Variants in RNF149 observed in about 807,000 individuals in gnomAD.
RNF149 encodes the protein ring finger protein 149.
RNF149 carries 21 observed loss-of-function variants against 39.0 expected under a neutral mutation model. The ratio of observed to expected loss-of-function variants is 0.54; its 90% CI spans 0.38 to 0.77. The LOEUF (loss-of-function observed/expected upper bound fraction) is 0.77. Among genes scored for constraint, RNF149 ranks in the 30% least tolerant of loss-of-function variants. RNF149 has a pLI of 0.00. For missense variants in RNF149, 493 were observed against 534.9 expected (o/e 0.92, Z 0.77); for synonymous variants, 209 against 213.6 (o/e 0.98, Z 0.19).
At chr2:101,299,094 T>C (rs921331098) in intron 1 of RNF149, among the ~76,000 whole-genome samples, 3 of 152,150 alleles carry the variant, frequency 2.0e-5, no homozygotes, top group African/African-American at 7.2e-5. Context: ...AGTTGGAGGT[T>C]GCAGTGAGCC....
intron 5 of RNF149, among the ~76,000 whole-genome samples, chr2:101,284,562 CAG>C (rs1682719674): frequency 6.6e-6 from 1 of 152,042 alleles, no homozygotes; most frequent in Admixed American, 6.6e-5. Flanking sequence ...GCCTCGGCGA[CAG>C]AGTGAGGCTG....
In RNF149 at chr2:101,276,860, G is replaced by T. The variant is rs1167055695; in HGVS notation, c.*378C>A. On this transcript the variant is annotated 3_prime_UTR_variant, in exon 7 of 7. Coordinates refer to ENST00000295317, the MANE Select transcript of RNF149 (RefSeq NM_173647.4). Reference sequence around the variant, plus strand: ...GAATTATACAATTCCACTTCAACTAGTCTAACATTGATGTGCTTTGCCAAA... The same window carrying T: ...GAATTATACAATTCCACTTCAACTATTCTAACATTGATGTGCTTTGCCAAA... The T allele has an allele frequency of 5.1e-5, 52 of 1,012,962 alleles. No individual in the cohort carries two copies. The highest frequency in any genetic ancestry group is 6.0e-5 in the Non-Finnish European group (51 of 844,842). The allele number at this position is 1,012,962 out of a possible 1,614,324, so 62.7% of individuals were successfully genotyped here. A position where few individuals can be genotyped will look rare whatever the true frequency, so the allele number is the denominator to read the frequency against.
At chr2:101,299,721 C>G (rs1683379595) in intron 1 of RNF149, among the ~76,000 whole-genome samples, 1 of 152,178 alleles carries the variant, frequency 6.6e-6, no homozygotes, top group Non-Finnish European at 1.5e-5. Flanking sequence ...GGTACTGATA[C>G]CACGTTCTTT....
In RNF149 at chr2:101,308,646, C is replaced by T. The variant is rs898699825; in HGVS notation, c.-58G>A. ...GGGTCACGCGCGAGTGCGGTGCAGT[C>T]GAAGAGCAGAGAGAAGCGGACACCC... is the stretch of plus-strand genomic sequence containing the variant. On this transcript the variant is annotated 5_prime_UTR_variant, in exon 1 of 7. Transcript: ENST00000295317. The T allele has an allele frequency of 2.9e-6, 4 of 1,403,434 alleles. No homozygotes were observed. The highest frequency in any genetic ancestry group is 3.0e-5 in the African/African-American group (2 of 66,364). The allele number at this position is 1,403,434 out of a possible 1,614,324, so 86.9% of individuals were successfully genotyped here. A position where few individuals can be genotyped will look rare whatever the true frequency, so the allele number is the denominator to read the frequency against.
intron 1 of RNF149, among the ~76,000 whole-genome samples, chr2:101,302,499 T>C (rs1683492634): frequency 6.6e-6 from 1 of 152,166 alleles, no homozygotes; most frequent in Non-Finnish European, 1.5e-5. Flanking sequence ...TGCTCAAAAA[T>C]ATTTTGTATT....
At chr2:101,294,377 A>T in intron 2 of RNF149, 1 of 284,596 alleles carries the variant, frequency 3.5e-6, no homozygotes, top group South Asian at 4.4e-5. Flanking sequence ...TGTCTGAAGA[A>T]GCAACCACTT....
chr2:101,272,744 A>C, downstream of RNF149: 1 of 353,810 alleles, frequency 2.8e-6, no homozygotes, highest in South Asian at 2.2e-5. Flanking sequence ...AATAAACTTC[A>C]ACATGCTCAA....
chr2:101,307,741 C>A (rs1011124446), intron 1 of RNF149: 2 of 827,954 alleles, frequency 2.4e-6, no homozygotes, highest in African/African-American at 3.7e-5. Flanking sequence ...GATCGTGGGG[C>A]GCGCTGGGGG....
chr2:101,297,693 T>C (rs912194881), intron 1 of RNF149, among the ~76,000 whole-genome samples: 3 of 152,214 alleles, frequency 2.0e-5, no homozygotes, highest in Admixed American at 6.5e-5. Flanking sequence ...TTTATTGAGA[T>C]ATAATCCACA....
At chr2:101,289,424 C>T (rs968995929) in intron 3 of RNF149, among the ~76,000 whole-genome samples, 6 of 151,866 alleles carry the variant, frequency 4.0e-5, no homozygotes, top group Non-Finnish European at 7.4e-5. Flanking sequence ...GACAGGGTTT[C>T]GGCCAGGTGC....
chr2:101,308,640 T>C lies in RNF149; in HGVS notation c.-52A>G, dbSNP rs1165972327. The C allele has an allele frequency of 6.3e-6, 9 of 1,424,436 alleles. No homozygotes were observed. Among genetic ancestry groups the C allele is most frequent in the Middle Eastern group, 2.0e-4 (1 of 4,970 alleles). The allele number at this position is 1,424,436 out of a possible 1,614,324, so 88.2% of individuals were successfully genotyped here. On this transcript the variant is annotated 5_prime_UTR_variant, in exon 1 of 7. Coordinates refer to ENST00000295317, the MANE Select transcript of RNF149 (RefSeq NM_173647.4). ...GAGTCAGGGTCACGCGCGAGTGCGGTGCAGTCGAAGAGCAGAGAGAAGCGG... is the reference window on the plus strand; with the variant it reads ...GAGTCAGGGTCACGCGCGAGTGCGGCGCAGTCGAAGAGCAGAGAGAAGCGG...
chr2:101,273,091 G>A (rs191367475), downstream of RNF149: 2,304 of 1,362,922 alleles, frequency 1.7e-3, 39 homozygotes, highest in Non-Finnish European at 7.5e-4. Context: ...GTGTGTTCAG[G>A]ATCCCTAAAA....
rs758351575 is a variant in RNF149, at chr2:101,308,489, C to T, written c.100G>A (p.Ala34Thr). ...ACCACGGCCGAGAACCACTCGAGAG[C>T]CCGGCCCCGGGCCCCGGGCACGCAC... ...ALCVPGARGR[A>T]LEWFSAVVNI... Residue 34 changes from alanine to threonine, a missense_variant, in exon 1 of 7, where the codon GCT (alanine) becomes ACT (threonine). Transcript: ENST00000295317. 4 of 1,610,704 alleles carry T rather than the reference C, an allele frequency of 2.5e-6. No individual in the cohort carries two copies. The highest frequency in any genetic ancestry group is 3.4e-6 in the Non-Finnish European group (4 of 1,179,218).
At chr2:101,301,631 A>G (rs1287919528) in intron 1 of RNF149, among the ~76,000 whole-genome samples, 1 of 152,176 alleles carries the variant, frequency 6.6e-6, no homozygotes, top group East Asian at 1.9e-4. Flanking sequence ...TTAACAAACC[A>G]AATTACCCGT....
At chr2:101,298,772 G>C (rs1056265175) in intron 1 of RNF149, among the ~76,000 whole-genome samples, 1 of 152,200 alleles carries the variant, frequency 6.6e-6, no homozygotes, top group African/African-American at 2.4e-5. Context: ...CTGTTTCTGG[G>C]GAGAGGCGCT....
At chr2:101,303,314 C>CG (rs1458722121) in intron 1 of RNF149, among the ~76,000 whole-genome samples, 1 of 146,778 alleles carries the variant, frequency 6.8e-6, no homozygotes, top group Non-Finnish European at 1.5e-5. Flanking sequence ...TTAGTAGAGA[C>CG]GGGGTTTTTG....
intron 3 of RNF149, 25 bp from the exon 4 acceptor site, chr2:101,289,080 A>G: frequency 7.3e-7 from 1 of 1,373,880 alleles, no homozygotes. Context: ...GGAAAGTGTT[A>G]CTACATTCTT....
Position 101,286,090 on chromosome 2 carries a change from T to C in RNF149, c.951A>G (p.Leu317=). The stretch of plus-strand genomic sequence containing the variant: ...CAAAAATGTAACAAACCCAATATCC[T>C]AGGGCTTTGATGACATCAAGTTTAC... ...PMCKLDVIKA[L]GYWGEPGDVQ... Residue 317 remains leucine (L), a synonymous_variant, in exon 5 of 7, where the codon CTA becomes CTG. Coordinates refer to ENST00000295317, the MANE Select transcript of RNF149 (RefSeq NM_173647.4). 6.2e-7 allele frequency: 1 copy of C among 1,601,252 alleles called. No individual in the cohort carries two copies. Among genetic ancestry groups the C allele is most frequent in the Non-Finnish European group, 8.6e-7 (1 of 1,168,698 alleles).
At chr2:101,305,229 C>A (rs1314141285) in intron 1 of RNF149, among the ~76,000 whole-genome samples, 1 of 152,252 alleles carries the variant, frequency 6.6e-6, no homozygotes, top group East Asian at 1.9e-4. Context: ...AATCAGTGGT[C>A]TTTCCTGGCT....
Sources: gnomAD v4.1 joint callset for allele counts (sites outside exome capture counted in the v4.1 genomes callset) on GRCh38, gnomAD v4.1.1 for gene constraint, MANE v1.5 for transcripts, NCBI Gene and HGNC (gene_info 2026-07-23, HGNC 2026-07-21) for gene names.